The following HACL1 variants were observed in gnomAD, a reference collection of about 807,000 sequenced individuals.
HACL1 encodes the protein 1600020H07Rik.
A neutral mutation model predicts 74.2 loss-of-function variants in HACL1; 64 were observed. The observed-to-expected ratio is 0.86, with a 90% CI of 0.70 to 1.06. HACL1 has a LOEUF of 1.06. HACL1 is among the 50% of genes least tolerant of loss of function. The pLI is 0.00. For synonymous variants in HACL1, 230 were observed against 238.8 expected, an observed-to-expected ratio of 0.96 and a Z score of 0.34; for missense variants, 728 against 719.7, an observed-to-expected ratio of 1.01 and a Z score of -0.13.
chr3:15,564,436 C>G, intron 15 of HACL1, 115 bp downstream of exon 15: 1 of 600,120 alleles, frequency 1.7e-6, no homozygotes, highest in Non-Finnish European at 3.0e-6. Flanking sequence ...GGCTGACAAT[C>G]GAAACGGACA....
At chr3:15,594,945 T>C (rs181264121) in intron 3 of HACL1, among the ~76,000 whole-genome samples, 32 of 152,282 alleles carry the variant, frequency 2.1e-4, no homozygotes, top group South Asian at 1.4e-3. Context: ...CTGGCCAACA[T>C]AGTGAAACCC....
intron 7 of HACL1, among the ~76,000 whole-genome samples, chr3:15,583,639 TTTTTTTTTTTTCTTTTC>T (rs1343512092): frequency 2.2e-5 from 3 of 137,452 alleles, no homozygotes; most frequent in Non-Finnish European, 4.6e-5. Context: ...CACATTTCTC[TTTTTTTTTTTTCTTTTC>T]TTTTTTTTTT....
intron 16 of HACL1, 57 bp downstream of exon 16, chr3:15,563,301 G>T: frequency 8.6e-7 from 1 of 1,158,390 alleles, no homozygotes; most frequent in Non-Finnish European, 1.3e-6. Context: ...ATACTTTTTG[G>T]AGGGGGATAG....
In HACL1 at chr3:15,601,089, C is replaced by T. The variant is rs1461258072; in HGVS notation, c.186+1G>A. 2 of 1,600,744 alleles carry T rather than the reference C, an allele frequency of 1.2e-6. No individual in the cohort carries two copies. Among genetic ancestry groups the T allele is most frequent in the Non-Finnish European group, 1.7e-6 (2 of 1,167,774 alleles). ...ATTCAGCCACCTGAGTCCATACTCACCGCTTGCTCATTCCTCATCCCGATG... is the reference window on the plus strand; with the variant it reads ...ATTCAGCCACCTGAGTCCATACTCATCGCTTGCTCATTCCTCATCCCGATG... On this transcript the variant is annotated splice_donor_variant, in intron 2 of 16. Coordinates refer to ENST00000321169, the MANE Select transcript of HACL1 (RefSeq NM_012260.4). LOFTEE classifies it high-confidence loss of function.
rs1385544683 is a variant in HACL1 at position 15,601,170 on chromosome 3, C to G, written c.106G>C (p.Val36Leu). 6.2e-7 allele frequency: 1 copy of G among 1,613,150 alleles called. No individual in the cohort carries two copies. Residue 36 changes from valine to leucine, a missense_variant, in exon 2 of 17, where the codon GTA becomes CTA. Transcript: ENST00000321169. ...GCGATTTCGGTCACTGGGATGCCTA[C>G]GATGCCAAATATGTACTCCACATCC... Reference protein sequence around the residue: ...TQDVEYIFGIVGIPVTEIAIA... With the variant: ...TQDVEYIFGILGIPVTEIAIA...
chr3:15,574,924 G>A, intron 10 of HACL1, 53 bp downstream of exon 10: 1 of 798,896 alleles, frequency 1.3e-6, no homozygotes, highest in Admixed American at 1.8e-5. Context: ...CGGCTGATAG[G>A]GAGAATAATG....
chr3:15,593,987 G>A (rs887013249), intron 3 of HACL1, among the ~76,000 whole-genome samples: 3 of 151,796 alleles, frequency 2.0e-5, no homozygotes, highest in African/African-American at 4.8e-5. Context: ...TAGTAGAGAC[G>A]GGGTTTCACC....
At chr3:15,592,487 T>TACATACACAC (rs1559561766) in intron 3 of HACL1, among the ~76,000 whole-genome samples, 2 of 125,130 alleles carry the variant, frequency 1.6e-5, no homozygotes, top group Admixed American at 7.6e-5. Flanking sequence ...TACATACACT[T>TACATACACAC]GTATACATAT....
intron 12 of HACL1, 99 bp from the exon 13 acceptor site, chr3:15,568,685 A>T (rs1252683403): frequency 1.4e-6 from 1 of 725,634 alleles, no homozygotes; most frequent in Non-Finnish European, 2.3e-6. Context: ...AATACGCAAC[A>T]ACTACAAGCT....
chr3:15,567,774 T>C (rs368679267), intron 14 of HACL1, 70 bp downstream of exon 14: 1 of 1,389,980 alleles, frequency 7.2e-7, no homozygotes, highest in East Asian at 2.3e-5. Flanking sequence ...ATTTGTCAGG[T>C]GACTGGGTCT....
Position 15,571,782 on chromosome 3 carries a change from A to AC in HACL1, c.994-14_994-13insG, listed in dbSNP as rs535524009. On this transcript the variant is annotated splice_polypyrimidine_tract_variant and intron_variant, in intron 11 of 16. Transcript: ENST00000321169. The stretch of plus-strand genomic sequence containing the variant: ...GTTCCTCTAAAAGCTTAAAAAAAAA[A>AC]AAACACACACACACAAACACATAAA... 47 of 918,378 alleles carry AC rather than the reference A, an allele frequency of 5.1e-5. No homozygotes were observed. In the African/African-American group the frequency reaches 6.2e-4, roughly 12 times the overall value. 56.9% of individuals were successfully genotyped at this position (918,378 alleles called of 1,614,324 possible).
chr3:15,597,337 G>A (rs1042301253), intron 2 of HACL1, among the ~76,000 whole-genome samples: 3 of 151,980 alleles, frequency 2.0e-5, no homozygotes, highest in African/African-American at 4.8e-5. Context: ...AATCCTTGGC[G>A]ATTTATTGAG....
Position 15,571,784 on chromosome 3 carries a change from A to AAC in HACL1, c.994-17_994-16dup, listed in dbSNP as rs112501938. On this transcript the variant is annotated splice_polypyrimidine_tract_variant and intron_variant, in intron 11 of 16. Transcript: ENST00000321169. ...TCCTCTAAAAGCTTAAAAAAAAAAA[A>AAC]ACACACACACACAAACACATAAACT... The AAC allele has an allele frequency of 1.4e-4, 126 of 899,922 alleles. No homozygotes were observed. The highest frequency in any genetic ancestry group is 6.5e-4 in the Middle Eastern group (3 of 4,602). The allele number at this position is 899,922 out of a possible 1,614,324, so 55.7% of individuals were successfully genotyped here.
At chr3:15,577,007 A>T (rs2063638057) in intron 9 of HACL1, among the ~76,000 whole-genome samples, 1 of 152,232 alleles carries the variant, frequency 6.6e-6, no homozygotes, top group Admixed American at 6.5e-5. Flanking sequence ...TACACTGGTA[A>T]TGTCATTAAT....
At chr3:15,576,761 T>C (rs2063634183) in intron 9 of HACL1, among the ~76,000 whole-genome samples, 1 of 152,228 alleles carries the variant, frequency 6.6e-6, no homozygotes, top group African/African-American at 2.4e-5. Flanking sequence ...TCTTTTGCCA[T>C]ACAGGATCTG....
intron 15 of HACL1, 132 bp downstream of exon 15, chr3:15,564,419 T>C (rs1001499099): frequency 4.4e-5 from 26 of 591,052 alleles, no homozygotes; most frequent in Non-Finnish European, 7.0e-5. Flanking sequence ...TTCCTTCTCT[T>C]TAGAAGGGCT....
chr3:15,566,471 T>C (rs543600014), intron 14 of HACL1, among the ~76,000 whole-genome samples: 11 of 152,128 alleles, frequency 7.2e-5, no homozygotes, highest in African/African-American at 4.8e-5. Context: ...GTGGCCAATA[T>C]GGCAAAGCCC....
At chr3:15,587,443 A>T (rs929718574) in intron 5 of HACL1, among the ~76,000 whole-genome samples, 11 of 139,140 alleles carry the variant, frequency 7.9e-5, no homozygotes, top group African/African-American at 3.0e-4. Flanking sequence ...AGGCATGACA[A>T]AATTAAGATC....
intron 1 of HACL1, 91 bp from the exon 2 acceptor site, chr3:15,601,285 C>T: frequency 6.3e-7 from 1 of 1,577,204 alleles, no homozygotes; most frequent in Non-Finnish European, 8.7e-7. Flanking sequence ...AGGAAAACCC[C>T]CCGACCCCCA....
Sources: allele counts gnomAD v4.1 joint callset (sites outside exome capture counted in the v4.1 genomes callset), GRCh38; gene constraint gnomAD v4.1.1; transcripts MANE v1.5; gene names NCBI Gene and HGNC (gene_info 2026-07-23, HGNC 2026-07-21).